SIL1: variants seen among roughly 807,000 people sequenced by gnomAD.
SIL1 encodes nucleotide exchange factor SIL1.
SIL1 carries 40 observed loss-of-function variants against 49.1 expected under a neutral mutation model. The ratio of observed to expected loss-of-function variants is 0.81; its 90% CI spans 0.63 to 1.06. SIL1 has a LOEUF of 1.06. Among genes scored for constraint, SIL1 ranks in the 50% least tolerant of loss-of-function variants. The pLI, the probability that SIL1 is intolerant of heterozygous loss-of-function variation, is 0.00. For synonymous variants in SIL1, 253 were observed against 250.8 expected, an observed-to-expected ratio of 1.01 and a Z score of -0.08; for missense variants, 500 against 572.6, an observed-to-expected ratio of 0.87 and a Z score of 1.29.
At chr5:139,157,139 C>T (rs780243800) in intron 1 of SIL1, among the ~76,000 whole-genome samples, 3 of 152,234 alleles carry the variant, frequency 2.0e-5, no homozygotes, top group Non-Finnish European at 4.4e-5. Flanking sequence ...AAAAGCTTAT[C>T]AGAGACTGAA....
chr5:139,078,044 T>C (rs1769991943), intron 3 of SIL1, among the ~76,000 whole-genome samples: 1 of 152,142 alleles, frequency 6.6e-6, no homozygotes, highest in African/African-American at 2.4e-5. Flanking sequence ...ACTTGTGCAA[T>C]ATGGATGTAT....
At chr5:139,136,717 A>T (rs746712596) in intron 1 of SIL1, among the ~76,000 whole-genome samples, 143 of 152,330 alleles carry the variant, frequency 9.4e-4, no homozygotes, top group Non-Finnish European at 1.6e-3. Flanking sequence ...AGGCCACTCC[A>T]AAAGGCTCAA....
chr5:139,184,979 A>G (rs1445034448), intron 1 of SIL1, among the ~76,000 whole-genome samples: 2 of 152,234 alleles, frequency 1.3e-5, no homozygotes, highest in African/African-American at 4.8e-5. Context: ...CATTTAAAAA[A>G]TAACAATACA....
Position 138,969,268 on chromosome 5 carries a change from G to A in SIL1, c.768-17384C>T, listed in dbSNP as rs915157132. Among the ~76,000 whole-genome samples the A allele has an allele frequency of 5.9e-5, 9 of 152,274 alleles. No individual in the cohort carries two copies. In the East Asian group the frequency reaches 7.7e-4, roughly 13 times the overall value. On this transcript the variant is annotated intron_variant, in intron 7 of 9. Transcript: ENST00000394817. The stretch of plus-strand genomic sequence containing the variant: ...TGACTCAATCTTAGGATTAGGCACC[G>A]CCTGCCAGCCATGGCAGGACAGTCC...
intron 3 of SIL1, among the ~76,000 whole-genome samples, chr5:139,066,413 G>A (rs1561849108): frequency 6.6e-6 from 1 of 151,946 alleles, no homozygotes. Context: ...CTGGAGTACA[G>A]TGGTGCAGTC....
At chr5:138,951,984 G>C in intron 7 of SIL1, 100 bp from the exon 8 acceptor site, 1 of 1,065,580 alleles carries the variant, frequency 9.4e-7, no homozygotes, top group East Asian at 2.4e-5. Context: ...GGAGAAACAA[G>C]AACAACAGAG....
chr5:139,049,859 A>G (rs951975164), intron 4 of SIL1, among the ~76,000 whole-genome samples: 3 of 152,198 alleles, frequency 2.0e-5, no homozygotes, highest in Middle Eastern at 3.4e-3. Context: ...ACCACACTCA[A>G]TCCATAACTA....
intron 3 of SIL1, among the ~76,000 whole-genome samples, chr5:139,100,933 C>A (rs1456560324): frequency 1.3e-5 from 2 of 151,592 alleles, no homozygotes; most frequent in African/African-American, 2.4e-5. Context: ...AAAAAAAAAA[C>A]CTAGCAGTCA....
intron 5 of SIL1, among the ~76,000 whole-genome samples, chr5:139,040,864 T>C (rs983191314): frequency 6.6e-6 from 1 of 152,178 alleles, no homozygotes; most frequent in African/African-American, 2.4e-5. Flanking sequence ...TTTATAAATA[T>C]TCATACTTTT....
intron 7 of SIL1, among the ~76,000 whole-genome samples, chr5:139,004,330 T>C (rs756424961): frequency 6.9e-4 from 105 of 152,246 alleles, no homozygotes; most frequent in Non-Finnish European, 1.3e-3. Flanking sequence ...CTTTCTGTGG[T>C]TTCACTGTTA....
At chr5:139,188,436 T>G (rs954615934) in intron 1 of SIL1, among the ~76,000 whole-genome samples, 4 of 152,256 alleles carry the variant, frequency 2.6e-5, no homozygotes, top group Admixed American at 6.5e-5. Context: ...TTTTTTTACC[T>G]TATTTGTTTC....
intron 7 of SIL1, 118 bp from the exon 8 acceptor site, chr5:138,952,002 C>A: frequency 2.2e-6 from 2 of 924,800 alleles, no homozygotes; most frequent in Non-Finnish European, 3.5e-6. Context: ...GAGGTTCCCA[C>A]ACGGGGCAAG....
intron 8 of SIL1, 129 bp from the exon 9 acceptor site, chr5:138,951,464 T>C (rs111598640): frequency 1.1e-6 from 1 of 951,240 alleles, no homozygotes. Context: ...GTTACAGCTA[T>C]ACCCCAGAAC....
chr5:139,117,483 T>C (rs776675847), intron 3 of SIL1, among the ~76,000 whole-genome samples: 25 of 152,148 alleles, frequency 1.6e-4, no homozygotes, highest in African/African-American at 2.7e-4. Flanking sequence ...CAGGAGCCCA[T>C]TGAAGTGGCT....
intron 3 of SIL1, among the ~76,000 whole-genome samples, chr5:139,059,287 A>G (rs1769530380): frequency 6.6e-6 from 1 of 152,066 alleles, no homozygotes; most frequent in Admixed American, 6.6e-5. Flanking sequence ...TGGTTTTATA[A>G]AGGGCAGTTC....
At chr5:138,953,065 A>G (rs1766819108) in intron 7 of SIL1, among the ~76,000 whole-genome samples, 2 of 152,246 alleles carry the variant, frequency 1.3e-5, no homozygotes, top group South Asian at 4.1e-4. Flanking sequence ...CAGCAGTCAG[A>G]TGGTGGCTGT....
At chr5:139,034,860 T>C (rs1274640475) in intron 5 of SIL1, among the ~76,000 whole-genome samples, 1 of 152,250 alleles carries the variant, frequency 6.6e-6, no homozygotes, top group African/African-American at 2.4e-5. Flanking sequence ...TTCCACAATG[T>C]GGAATTAATT....
intron 6 of SIL1, 72 bp from the exon 7 acceptor site, chr5:139,021,364 T>C (rs892055567): frequency 1.9e-6 from 3 of 1,584,266 alleles, no homozygotes; most frequent in African/African-American, 1.3e-5. Context: ...GCCTTTCTTT[T>C]GGTGACTACC....
In SIL1 at chr5:138,951,799, C is replaced by T; in HGVS notation, c.853G>A (p.Ala285Thr). Residue 285 changes from alanine (A) to threonine (T), a missense_variant, in exon 8 of 10, where the codon GCA becomes ACA. Transcript: ENST00000394817. ...GCATGGAAACACACCTTCTTCTTTG[C>T]AGTGAGCGGCTGCTCCGTGGCCAGG... The part of the protein sequence containing the change: ...VILATEQPLT[A>T]KKKVLFALCS... 6.2e-7 allele frequency: 1 copy of T among 1,614,014 alleles called. No homozygotes were observed.
Sources: gnomAD v4.1 joint callset for allele counts (sites outside exome capture counted in the v4.1 genomes callset) on GRCh38, gnomAD v4.1.1 for gene constraint, MANE v1.5 for transcripts, NCBI Gene and HGNC (gene_info 2026-07-23, HGNC 2026-07-21) for gene names.